Variants in NRXN3 observed in about 807,000 individuals in gnomAD.
The protein encoded by NRXN3 is neurexin 3.
A neutral mutation model predicts 137.6 loss-of-function variants in NRXN3; 32 were observed. That is an observed-to-expected ratio of 0.23 (90% CI 0.18 to 0.31). The LOEUF (loss-of-function observed/expected upper bound fraction) is 0.31. NRXN3 is among the 10% of genes least tolerant of loss of function. The pLI is 1.00. For synonymous variants in NRXN3, 798 were observed against 784.5 expected (o/e 1.02, Z -0.29); for missense variants, 1,574 against 2,062.5 (o/e 0.76, Z 4.59).
chr14:79,436,617 T>G (rs577289780), intron 15 of NRXN3, among the ~76,000 whole-genome samples: 1 of 152,202 alleles, frequency 6.6e-6, no homozygotes, highest in South Asian at 2.1e-4. Context: ...TCAAGTACAG[T>G]GTATATGTAA....
intron 4 of NRXN3, among the ~76,000 whole-genome samples, chr14:78,517,811 T>G (rs996948785): frequency 6.6e-6 from 1 of 152,198 alleles, no homozygotes; most frequent in Non-Finnish European, 1.5e-5. Flanking sequence ...CAGGTTCATA[T>G]TCTGTTCTTA....
chr14:79,439,198 G>A (rs1176524305), intron 15 of NRXN3, among the ~76,000 whole-genome samples: 2 of 152,206 alleles, frequency 1.3e-5, no homozygotes, highest in East Asian at 1.9e-4. Flanking sequence ...GTGAGTATAC[G>A]TATGTGTGAT....
At chr14:78,767,316 G>C (rs111578898) in intron 8 of NRXN3, among the ~76,000 whole-genome samples, 4,183 of 152,238 alleles carry the variant, frequency 0.027, 85 homozygotes, top group Non-Finnish European at 0.041. Context: ...AGTGGTAAAG[G>C]CAGTAAAGAA....
chr14:79,811,663 G>C (rs7155646), intron 20 of NRXN3, among the ~76,000 whole-genome samples: 19,597 of 143,408 alleles, frequency 0.14, 1,572 homozygotes, highest in Middle Eastern at 0.24. Context: ...CTCACTGCAA[G>C]CTCCGCCTCG....
intron 10 of NRXN3, among the ~76,000 whole-genome samples, chr14:78,846,750 G>T (rs1278258322): frequency 3.3e-5 from 5 of 152,062 alleles, no homozygotes; most frequent in African/African-American, 9.7e-5. Context: ...GTAGGTAGAT[G>T]AATTTAGTTA....
intron 20 of NRXN3, among the ~76,000 whole-genome samples, chr14:79,814,953 A>ATCTT (rs2140920675): frequency 6.6e-6 from 1 of 152,336 alleles, no homozygotes; most frequent in South Asian, 2.1e-4. Flanking sequence ...AGGTAAGATT[A>ATCTT]TCTTTTGATC....
chr14:78,688,422 A>G (rs536734646), intron 6 of NRXN3, among the ~76,000 whole-genome samples: 1 of 152,306 alleles, frequency 6.6e-6, no homozygotes, highest in South Asian at 2.1e-4. Context: ...GAGGTCAAGG[A>G]AAATGAGATT....
At chr14:78,234,414 T>C (rs911416137) in intron 1 of NRXN3, among the ~76,000 whole-genome samples, 4 of 152,258 alleles carry the variant, frequency 2.6e-5, no homozygotes, top group African/African-American at 7.2e-5. Context: ...TGATAATTCA[T>C]TGTTATCATC....
intron 4 of NRXN3, among the ~76,000 whole-genome samples, chr14:78,643,226 G>C (rs1017317475): frequency 6.6e-6 from 1 of 152,212 alleles, no homozygotes; most frequent in Non-Finnish European, 1.5e-5. Context: ...ACCTGGGGCT[G>C]TAATGGTTAA....
At chr14:78,766,262 G>C (rs186924872) in intron 8 of NRXN3, among the ~76,000 whole-genome samples, 2 of 152,302 alleles carry the variant, frequency 1.3e-5, no homozygotes, top group East Asian at 3.9e-4. Flanking sequence ...GCAGTGGGAA[G>C]GGAGAAGGGG....
At chr14:78,209,721 AT>A (rs2153409832) in intron 1 of NRXN3, among the ~76,000 whole-genome samples, 1 of 152,274 alleles carries the variant, frequency 6.6e-6, no homozygotes, top group African/African-American at 2.4e-5. Context: ...TGTGGAGATT[AT>A]GGGGATTATA....
intron 10 of NRXN3, among the ~76,000 whole-genome samples, chr14:78,857,891 G>A (rs1185273354): frequency 6.6e-6 from 1 of 152,138 alleles, no homozygotes; most frequent in Non-Finnish European, 1.5e-5. Flanking sequence ...AAGTATAGTG[G>A]AGGTTACTGA....
chr14:78,936,174 A>G (rs2099338072), intron 10 of NRXN3, among the ~76,000 whole-genome samples: 1 of 152,146 alleles, frequency 6.6e-6, no homozygotes, highest in South Asian at 2.1e-4. Context: ...TCCCCAATGT[A>G]CACAAACACA....
intron 15 of NRXN3, among the ~76,000 whole-genome samples, chr14:79,395,391 C>A (rs1356944563): frequency 2.0e-5 from 3 of 152,130 alleles, no homozygotes; most frequent in Non-Finnish European, 2.9e-5. Flanking sequence ...CTTGAATTTT[C>A]TTCATAAAGG....
chr14:79,735,057 T>TTCACTCCC (rs2098937303), intron 19 of NRXN3, among the ~76,000 whole-genome samples: 1 of 152,168 alleles, frequency 6.6e-6, no homozygotes, highest in African/African-American at 2.4e-5. Context: ...ATGTAATGAA[T>TTCACTCCC]TCACTCCCTA....
intron 4 of NRXN3, among the ~76,000 whole-genome samples, chr14:78,555,231 T>A (rs2096727517): frequency 6.6e-6 from 1 of 152,170 alleles, no homozygotes; most frequent in African/African-American, 2.4e-5. Context: ...CACTATAACA[T>A]TTAACTTTCA....
chr14:79,463,915 C>A (rs1035983472), intron 15 of NRXN3, among the ~76,000 whole-genome samples: 8 of 152,080 alleles, frequency 5.3e-5, no homozygotes, highest in Non-Finnish European at 1.0e-4. Flanking sequence ...GATTTGTAAT[C>A]CACATTTTAA....
At chr14:78,282,397 G>C (rs1411211234) in intron 3 of NRXN3, 1 of 315,064 alleles carries the variant, frequency 3.2e-6, no homozygotes, top group African/African-American at 2.2e-5. Context: ...TCTCCCTCCT[G>C]CCTGGAGGGG....
At chr14:79,545,472 G>A (rs2097310455) in intron 16 of NRXN3, among the ~76,000 whole-genome samples, 1 of 152,016 alleles carries the variant, frequency 6.6e-6, no homozygotes, top group South Asian at 2.1e-4. Flanking sequence ...CCACCTTTAA[G>A]TATCCTGTGA....
Sources: allele counts gnomAD v4.1 joint callset (sites outside exome capture counted in the v4.1 genomes callset), GRCh38; gene constraint gnomAD v4.1.1; transcripts MANE v1.5; gene names NCBI Gene and HGNC (gene_info 2026-07-23, HGNC 2026-07-21).